EXT1: variants seen among roughly 807,000 people sequenced by gnomAD.
EXT1 encodes exostosin-1.
EXT1 carries 20 observed loss-of-function variants against 82.5 expected under a neutral mutation model. The ratio of observed to expected loss-of-function variants is 0.24; its 90% CI spans 0.17 to 0.35. The LOEUF is 0.35. Ranked by LOEUF, EXT1 falls within the 10% of genes least tolerant of loss-of-function variation. EXT1 has a pLI of 1.00. For missense variants in EXT1, 757 were observed against 936.5 expected, an observed-to-expected ratio of 0.81 and a Z score of 2.50; for synonymous variants, 348 against 350.8, an observed-to-expected ratio of 0.99 and a Z score of 0.09.
intron 1 of EXT1, among the ~76,000 whole-genome samples, chr8:118,046,404 C>G (rs1410903993): frequency 6.6e-6 from 1 of 152,102 alleles, no homozygotes; most frequent in African/African-American, 2.4e-5. Flanking sequence ...GGTGTGCACT[C>G]CACCAGCACT....
chr8:118,084,160 G>T (rs774310412), intron 1 of EXT1, among the ~76,000 whole-genome samples: 1 of 152,074 alleles, frequency 6.6e-6, no homozygotes, highest in Non-Finnish European at 1.5e-5. Context: ...AAACTGAATG[G>T]GAGAGATTCA....
At chr8:117,973,617 C>T (rs541642649) in intron 1 of EXT1, among the ~76,000 whole-genome samples, 1 of 151,808 alleles carries the variant, frequency 6.6e-6, no homozygotes, top group South Asian at 2.1e-4. Context: ...ATAATTTAAA[C>T]ATTTCCTGGG....
At chr8:117,808,988 G>A (rs923076441) in intron 8 of EXT1, among the ~76,000 whole-genome samples, 1 of 151,732 alleles carries the variant, frequency 6.6e-6, no homozygotes, top group Non-Finnish European at 1.5e-5. Flanking sequence ...TATTGCCCTT[G>A]GACTGGGATT....
intron 5 of EXT1, among the ~76,000 whole-genome samples, chr8:117,821,986 TAGA>T (rs1374832822): frequency 6.6e-5 from 10 of 152,184 alleles, no homozygotes; most frequent in African/African-American, 2.4e-4. Context: ...GCATAGCACA[TAGA>T]AGGAGCATAA....
chr8:117,920,285 G>C (rs552927145), intron 1 of EXT1, among the ~76,000 whole-genome samples: 13 of 150,436 alleles, frequency 8.6e-5, no homozygotes, highest in Non-Finnish European at 1.3e-4. Flanking sequence ...TGTATTTTTA[G>C]TAGAGACGGG....
At chr8:118,008,268 T>G (rs1173180463) in intron 1 of EXT1, among the ~76,000 whole-genome samples, 1 of 152,142 alleles carries the variant, frequency 6.6e-6, no homozygotes, top group Non-Finnish European at 1.5e-5. Context: ...TTTTTTTGTT[T>G]TTTTATTTGA....
intron 1 of EXT1, among the ~76,000 whole-genome samples, chr8:118,024,757 C>A (rs1175634177): frequency 6.6e-6 from 1 of 152,058 alleles, no homozygotes; most frequent in African/African-American, 2.4e-5. Context: ...GCCTAGAGGT[C>A]TGAGAAAGAG....
chr8:117,890,335 T>C (rs758222650), intron 1 of EXT1, among the ~76,000 whole-genome samples: 1 of 152,168 alleles, frequency 6.6e-6, no homozygotes, highest in Non-Finnish European at 1.5e-5. Context: ...TCTAGAGATA[T>C]TTTCAGTTGT....
chr8:117,859,663 A>T lies in EXT1; in HGVS notation c.963-22462T>A, dbSNP rs148250031. Among the ~76,000 whole-genome samples, 4 of 152,354 alleles carry T rather than the reference A, an allele frequency of 2.6e-5. No individual in the cohort carries two copies. In the East Asian group the frequency reaches 7.7e-4, roughly 29 times the overall value. ...TGTCCAGTAACCTTATTCTTCTGAG[A>T]TATTACTGTCTATTTTGTTACTTTG... On this transcript the variant is annotated intron_variant, in intron 1 of 10. Transcript: ENST00000378204.
intron 1 of EXT1, among the ~76,000 whole-genome samples, chr8:117,850,265 G>C (rs1017372854): frequency 6.6e-6 from 1 of 152,214 alleles, no homozygotes; most frequent in African/African-American, 2.4e-5. Flanking sequence ...TTGAGTCGTT[G>C]ACAGCTCCGC....
At chr8:118,036,461 T>C (rs923747042) in intron 1 of EXT1, among the ~76,000 whole-genome samples, 3 of 152,180 alleles carry the variant, frequency 2.0e-5, no homozygotes, top group Non-Finnish European at 4.4e-5. Context: ...TGATAACTTA[T>C]CTATAGGACT....
At chr8:117,868,877 T>C (rs113591389) in intron 1 of EXT1, among the ~76,000 whole-genome samples, 32 of 152,182 alleles carry the variant, frequency 2.1e-4, no homozygotes, top group South Asian at 2.1e-3. Flanking sequence ...TTCCAGCCCA[T>C]AGAGCAGGGC....
intron 1 of EXT1, among the ~76,000 whole-genome samples, chr8:117,950,214 T>C (rs1446377894): frequency 1.3e-5 from 2 of 152,140 alleles, no homozygotes; most frequent in Non-Finnish European, 2.9e-5. Context: ...CGACTATAGC[T>C]TGGGTGACAG....
chr8:117,816,663 T>C (rs1811826043), intron 7 of EXT1, among the ~76,000 whole-genome samples: 1 of 152,150 alleles, frequency 6.6e-6, no homozygotes, highest in Non-Finnish European at 1.5e-5. Flanking sequence ...GTACTATTAT[T>C]ATCACCACCA....
intron 1 of EXT1, among the ~76,000 whole-genome samples, chr8:118,006,028 A>G (rs1438884187): frequency 6.6e-6 from 1 of 152,230 alleles, no homozygotes; most frequent in Non-Finnish European, 1.5e-5. Context: ...TAATGTTAAC[A>G]TGAACTTGAG....
chr8:118,024,541 A>C lies in EXT1; in HGVS notation c.962+85544T>G, dbSNP rs914432226. 6.7e-5 allele frequency among the ~76,000 whole-genome samples: 10 copies of C among 149,402 alleles called. No individual in the cohort carries two copies. The East Asian group carries it at 9.7e-4, about 15-fold the overall frequency. On this transcript the variant is annotated intron_variant, in intron 1 of 10. Coordinates refer to ENST00000378204, the MANE Select transcript of EXT1 (RefSeq NM_000127.3). ...AGCTTTAAAAAAAAGAAAAAAAAAA[A>C]CAGCTTCATTTCTGTCTTCTTGGAA...
chr8:118,106,810 T>C (rs1168821771), intron 1 of EXT1, among the ~76,000 whole-genome samples: 2 of 152,230 alleles, frequency 1.3e-5, no homozygotes, highest in African/African-American at 4.8e-5. Context: ...TCACTACAAC[T>C]CATCTAATTA....
chr8:117,849,439 C>T lies in EXT1; in HGVS notation c.963-12238G>A, dbSNP rs116402083. On this transcript the variant is annotated intron_variant, in intron 1 of 10. Coordinates refer to ENST00000378204, the MANE Select transcript of EXT1 (RefSeq NM_000127.3). ...TGAACCTATGTCAGATTATTCAACA[C>T]TCACCCCATTCCTCATGGGTTTATA... 2.2e-3 allele frequency among the ~76,000 whole-genome samples: 340 copies of T among 152,310 alleles called. 2 individuals are homozygous for T. Among genetic ancestry groups the T allele is most frequent in the African/African-American group, 5.5e-3 (228 of 41,552 alleles).
chr8:117,804,882 T>C lies in EXT1; in HGVS notation c.1895A>G (p.Tyr632Cys), dbSNP rs1586989230. 2 of 1,613,884 alleles carry C rather than the reference T, an allele frequency of 1.2e-6. No individual in the cohort carries two copies. The highest frequency in any genetic ancestry group is 1.7e-5 in the Admixed American group (1 of 59,988). The change falls in exon 10 of 11, where the codon TAC becomes TGC. Residue 632 changes from tyrosine (Y) to cysteine (C), a missense_variant. By Grantham distance (194) the Tyr-to-Cys change is radical. Around this residue, in one of 4 missense-constraint regions of EXT1, gnomAD observed 128 missense variants for 223.2 expected, o/e 0.57. Coordinates refer to ENST00000378204, the MANE Select transcript of EXT1 (RefSeq NM_000127.3). ...GGCTGGCAGGTAATGGGAGTATAGG[T>C]AGTGATAATATCTGTAAAAATCAAA... is the stretch of plus-strand genomic sequence containing the variant. Reference protein sequence around the residue: ...GAAIYHKYYHYLYSHYLPASL... With the variant: ...GAAIYHKYYHCLYSHYLPASL...
Sources: gnomAD v4.1 joint callset for allele counts (sites outside exome capture counted in the v4.1 genomes callset) on GRCh38, gnomAD v4.1.1 for gene constraint, gnomAD v4.1.1 regional missense constraint, MANE v1.5 for transcripts, NCBI Gene and HGNC (gene_info 2026-07-23, HGNC 2026-07-21) for gene names.